GLRA1: variants seen among roughly 807,000 people sequenced by gnomAD.
The protein encoded by GLRA1 is glycine receptor alpha 1.
A neutral mutation model predicts 48.3 loss-of-function variants in GLRA1; 37 were observed. The ratio of observed to expected loss-of-function variants is 0.77; its 90% CI spans 0.59 to 1.01. GLRA1 has a LOEUF of 1.01. Ranked by LOEUF, GLRA1 falls within the 50% of genes least tolerant of loss-of-function variation. GLRA1 has a pLI of 0.00. For synonymous variants in GLRA1, 196 were observed against 210.7 expected, an observed-to-expected ratio of 0.93 and a Z score of 0.60; for missense variants, 427 against 571.0, an observed-to-expected ratio of 0.75 and a Z score of 2.57.
intron 1 of GLRA1, among the ~76,000 whole-genome samples, chr5:151,895,985 T>C (rs1448217933): frequency 6.6e-6 from 1 of 152,160 alleles, no homozygotes; most frequent in Non-Finnish European, 1.5e-5. Flanking sequence ...TTTGGGAACA[T>C]AGTACTCCCT....
chr5:151,915,635 T>C (rs1270971075), intron 1 of GLRA1, among the ~76,000 whole-genome samples: 1 of 151,658 alleles, frequency 6.6e-6, no homozygotes, highest in Non-Finnish European at 1.5e-5. Flanking sequence ...AAATAGTAAA[T>C]TACATAGAAA....
At chr5:151,881,601 G>T (rs1437606478) in intron 3 of GLRA1, among the ~76,000 whole-genome samples, 1 of 150,938 alleles carries the variant, frequency 6.6e-6, no homozygotes, top group African/African-American at 2.4e-5. Context: ...CTCCCAAAGT[G>T]CTGGGATTAC....
At chr5:151,919,368 G>A (rs1464262930) in intron 1 of GLRA1, among the ~76,000 whole-genome samples, 6 of 152,278 alleles carry the variant, frequency 3.9e-5, no homozygotes, top group Admixed American at 2.0e-4. Context: ...TTCTCACACC[G>A]TTTTTCAGAT....
chr5:151,909,751 T>C (rs1313226575), intron 1 of GLRA1, among the ~76,000 whole-genome samples: 2 of 152,224 alleles, frequency 1.3e-5, no homozygotes, highest in Admixed American at 6.5e-5. Context: ...AAAGTTGTCA[T>C]GGTAATAAGA....
intron 3 of GLRA1, among the ~76,000 whole-genome samples, chr5:151,884,706 C>T (rs1753852327): frequency 4.0e-5 from 6 of 151,498 alleles, no homozygotes; most frequent in Admixed American, 2.0e-4. Context: ...TATCAGGAAA[C>T]GAGTGCTGAT....
At chr5:151,849,206 T>TTTACTTCCTTCCTTCCTTCC (rs1554083336) in intron 7 of GLRA1, 1 of 84,546 alleles carries the variant, frequency 1.2e-5, no homozygotes, top group Non-Finnish European at 2.3e-5. Context: ...CTTTTCTTTC[T>TTTACTTCCTTCCTTCCTTCC]TTCCTTCCTT....
rs779337812 is a variant in GLRA1, at chr5:151,822,843, G to T, written c.1180C>A (p.Pro394Thr). The T allele has an allele frequency of 9.9e-6, 16 of 1,614,060 alleles. 1 individual carries two copies. In the South Asian group the frequency reaches 1.5e-4, roughly 16 times the overall value. Residue 394 changes from proline to threonine, a missense_variant, in exon 9 of 9, where the codon CCT (proline) becomes ACT (threonine). This residue lies in a region of GLRA1 where 121 missense variants were observed against 96.5 expected (regional missense o/e 1.25). Transcript: ENST00000274576. ...GANNSNTTNP[P>T]PAPSKSPEEM... is the part of the protein sequence containing the mutation. ...TCTGGGGACTTAGATGGTGCAGGAG[G>T]GGGGTTGGTGGTGTTACTGTTGTTG...
In GLRA1 at chr5:151,914,599, C is replaced by T. The variant is rs527490679; in HGVS notation, c.56+9895G>A. Among the ~76,000 whole-genome samples the T allele has an allele frequency of 5.9e-5, 9 of 152,260 alleles. No homozygotes were observed. In the East Asian group the frequency reaches 1.7e-3, roughly 29 times the overall value. ...GAGACTATGCTGCCCTTCTTCTTGA[C>T]CTCCTGATTCAGTCAGAAATTCTCC... On this transcript the variant is annotated intron_variant, in intron 1 of 8. Coordinates refer to ENST00000274576, the MANE Select transcript of GLRA1 (RefSeq NM_000171.4).
intron 7 of GLRA1, among the ~76,000 whole-genome samples, chr5:151,841,739 A>G (rs1217056937): frequency 2.0e-5 from 3 of 152,162 alleles, no homozygotes; most frequent in Non-Finnish European, 4.4e-5. Flanking sequence ...GAGGTGGACA[A>G]ATTCCTAAAA....
intron 1 of GLRA1, among the ~76,000 whole-genome samples, chr5:151,922,251 A>G (rs1010655941): frequency 3.3e-5 from 5 of 152,228 alleles, no homozygotes; most frequent in African/African-American, 4.8e-5. Flanking sequence ...GCCAGCCTCC[A>G]TCTACCCCCA....
intron 6 of GLRA1, among the ~76,000 whole-genome samples, chr5:151,853,412 A>ATTTTTTTT (rs57264480): frequency 7.1e-6 from 1 of 140,904 alleles, no homozygotes; most frequent in Non-Finnish European, 1.5e-5. Context: ...TGCCCAACTA[A>ATTTTTTTT]TTTTTTTTTT....
intron 6 of GLRA1, among the ~76,000 whole-genome samples, chr5:151,851,918 CAT>C (rs1413282654): frequency 4.6e-5 from 7 of 152,046 alleles, no homozygotes; most frequent in Non-Finnish European, 1.0e-4. Flanking sequence ...TTACCATCAT[CAT>C]CATCATCATC....
intron 2 of GLRA1, among the ~76,000 whole-genome samples, chr5:151,887,963 A>G (rs1296209584): frequency 6.6e-6 from 1 of 152,214 alleles, no homozygotes; most frequent in Non-Finnish European, 1.5e-5. Flanking sequence ...AGCCCTTCAC[A>G]TAAAGATTGT....
rs1554085717 is a variant in GLRA1 at position 151,884,452 on chromosome 5, A to ACAAAACAAAACAAAACAAAAC, written c.252+2268_252+2269insGTTTTGTTTTGTTTTGTTTTG. Among the ~76,000 whole-genome samples the ACAAAACAAAACAAAACAAAAC allele has an allele frequency of 6.6e-4, 99 of 151,032 alleles. 1 individual carries two copies. The highest frequency in any genetic ancestry group is 1.9e-3 in the African/African-American group (78 of 41,160). ...TCAAAACAAAACAAAACAAAACAAAAAAACCCATTTTTTCTCTACACACTT... is the reference window on the plus strand; with the variant it reads ...TCAAAACAAAACAAAACAAAACAAAACAAAACAAAACAAAACAAAACAAACCCATTTTTTCTCTACACACTT... On this transcript the variant is annotated intron_variant, in intron 3 of 8. Transcript: ENST00000274576.
chr5:151,898,440 A>G (rs963486437), intron 1 of GLRA1, among the ~76,000 whole-genome samples: 11 of 152,224 alleles, frequency 7.2e-5, no homozygotes, highest in East Asian at 3.8e-4. Flanking sequence ...AAAGCTGTCA[A>G]TCTGAATTAC....
chr5:151,850,103 T>C (rs1296866101), intron 7 of GLRA1: 1 of 1,603,878 alleles, frequency 6.2e-7, no homozygotes, highest in African/African-American at 1.3e-5. Flanking sequence ...TGGGGACAGA[T>C]GGGTACCACT....
intron 3 of GLRA1, among the ~76,000 whole-genome samples, chr5:151,872,358 G>A (rs1242150857): frequency 2.7e-5 from 4 of 149,508 alleles, no homozygotes; most frequent in Non-Finnish European, 4.4e-5. Context: ...TGACAATGAA[G>A]TACCATTTTG....
At position 151,830,774 on chromosome 5, in the gene GLRA1, C is replaced by T. The variant is rs1763401816; in HGVS notation, c.913-1707G>A. Among the ~76,000 whole-genome samples the T allele has an allele frequency of 2.6e-5, 4 of 152,224 alleles. No individual in the cohort carries two copies. The South Asian group carries it at 8.3e-4, about 32-fold the overall frequency. ...ATTCAGAAAAGTTACTGAATAGCAACAGCAACAAATCCTGAAGAGAGGGTA... is the reference window on the plus strand; with the variant it reads ...ATTCAGAAAAGTTACTGAATAGCAATAGCAACAAATCCTGAAGAGAGGGTA... On this transcript the variant is annotated intron_variant, in intron 7 of 8. Coordinates refer to ENST00000274576, the MANE Select transcript of GLRA1 (RefSeq NM_000171.4).
chr5:151,824,252 T>C (rs1009677369), intron 8 of GLRA1, among the ~76,000 whole-genome samples: 3 of 151,730 alleles, frequency 2.0e-5, no homozygotes, highest in Non-Finnish European at 2.9e-5. Context: ...CTGCCTCGGC[T>C]TCACAAAGTT....
Sources: gnomAD v4.1 joint callset for allele counts (sites outside exome capture counted in the v4.1 genomes callset) on GRCh38, gnomAD v4.1.1 for gene constraint, gnomAD v4.1.1 regional missense constraint, MANE v1.5 for transcripts, NCBI Gene and HGNC (gene_info 2026-07-23, HGNC 2026-07-21) for gene names.